TRIOBP: variants seen among roughly 807,000 people sequenced by gnomAD.
TRIOBP encodes the protein TRIO and F-actin-binding protein.
In TRIOBP, 169 loss-of-function variants were observed where a neutral mutation model predicts 238.8. That is an observed-to-expected ratio of 0.71 (90% confidence interval 0.62 to 0.80). The LOEUF (loss-of-function observed/expected upper bound fraction) is 0.80. Among genes scored for constraint, TRIOBP ranks in the 30% least tolerant of loss-of-function variants. The pLI is 0.00. For missense variants in TRIOBP, 2,838 were observed against 3,122.6 expected (o/e 0.91, Z 2.17); for synonymous variants, 1,150 against 1,274.4 (o/e 0.90, Z 2.08).
chr22:37,713,203 C>G lies in TRIOBP; in HGVS notation c.255-7C>G, dbSNP rs375754005. On this transcript the variant is annotated splice_region_variant and splice_polypyrimidine_tract_variant and intron_variant, in intron 4 of 23. Coordinates refer to ENST00000644935, the MANE Select transcript of TRIOBP (RefSeq NM_001039141.3). ...CCATTACTTTTTGGGTCTGTCTCCT[C>G]TCCCAGGGGCCCATCCCCCTCAGCA... The G allele has an allele frequency of 1.9e-6, 3 of 1,612,280 alleles. No homozygotes were observed.
At chr22:37,704,656 C>T (rs61381376) in intron 3 of TRIOBP, among the ~76,000 whole-genome samples, 1 of 149,094 alleles carries the variant, frequency 6.7e-6, no homozygotes, top group Non-Finnish European at 1.5e-5. Flanking sequence ...GGGAAAGTTT[C>T]TCCAAAAAAA....
At position 37,725,288 on chromosome 22, in the gene TRIOBP, T is replaced by G; in HGVS notation, c.2732T>G (p.Leu911Arg). ...GACATCCCCTGGGCCTCGTTTCCCC[T>G]CCGGCCAACTCAGAGTGATGGTCCC... is the stretch of plus-strand genomic sequence containing the variant. ...NKDIPWASFP[L>R]RPTQSDGPRT... Residue 911 changes from leucine to arginine, a missense_variant, in exon 7 of 24, where the codon CTC (leucine) becomes CGC (arginine). Leu to Arg is a moderately radical substitution (Grantham distance 102). Coordinates refer to ENST00000644935, the MANE Select transcript of TRIOBP (RefSeq NM_001039141.3). 2 of 1,613,804 alleles carry G rather than the reference T, an allele frequency of 1.2e-6. No homozygotes were observed. Among genetic ancestry groups the G allele is most frequent in the Non-Finnish European group, 1.7e-6 (2 of 1,179,986 alleles).
chr22:37,735,607 G>A (rs1320653540), intron 9 of TRIOBP, among the ~76,000 whole-genome samples, 165 bp downstream of exon 9: 2 of 152,214 alleles, frequency 1.3e-5, no homozygotes, highest in African/African-American at 4.8e-5. Flanking sequence ...CACCAAACTG[G>A]CCCAACAATG....
Position 37,776,042 on chromosome 22 carries a change from A to G in TRIOBP, c.*2262A>G, listed in dbSNP as rs960701480. Reference sequence around the variant, plus strand: ...TCCTCACCATCCCACCGTCCCCCCAAGACAGCTCTCCATCCCATCCTCTGC... The same window carrying G: ...TCCTCACCATCCCACCGTCCCCCCAGGACAGCTCTCCATCCCATCCTCTGC... On this transcript the variant is annotated 3_prime_UTR_variant, in exon 24 of 24. Coordinates refer to ENST00000644935, the MANE Select transcript of TRIOBP (RefSeq NM_001039141.3). 2 of 152,302 alleles carry G rather than the reference A, an allele frequency of 1.3e-5. No homozygotes were observed. The highest frequency in any genetic ancestry group is 2.4e-5 in the African/African-American group (1 of 41,414). 9.4% of individuals were successfully genotyped at this position (152,302 alleles called of 1,614,324 possible). A position where few individuals can be genotyped will look rare whatever the true frequency, so the allele number is the denominator to read the frequency against.
At position 37,734,721 on chromosome 22, in the gene TRIOBP, G is replaced by A. The variant is rs759285585; in HGVS notation, c.4385G>A (p.Cys1462Tyr). ...CTGGGCCCTGGGGGCTGGTGGGGAT[G>A]TGGAGAGCCCAGCCTGGGGGCAGCC... ...GGLGPGGWWG[C>Y]GEPSLGAAKA... The change falls in exon 9 of 24, where the codon TGT becomes TAT. Residue 1462 changes from cysteine to tyrosine, a missense_variant. Transcript: ENST00000644935. 1.3e-4 allele frequency: 217 copies of A among 1,609,370 alleles called. No homozygotes were observed. The highest frequency in any genetic ancestry group is 1.8e-4 in the Non-Finnish European group (214 of 1,178,436).
rs1922452836 is a variant in TRIOBP, at chr22:37,698,209, AAAAAAAAAAG to A, written c.-61+517_-61+526del. Among the ~76,000 whole-genome samples the A allele has an allele frequency of 3.1e-5, 4 of 130,786 alleles. No individual in the cohort carries two copies. In the South Asian group the frequency reaches 1.1e-3, roughly 37 times the overall value. 85.8% of individuals were successfully genotyped at this position (130,786 alleles called of 152,430 possible). ...ACCGAGATTCTGTCTCAAAAAAAAA[AAAAAAAAAAG>A]AAAGAAAGACACCAGGGTTTCAGAA... is the stretch of plus-strand genomic sequence containing the variant. On this transcript the variant is annotated intron_variant, in intron 2 of 23. Coordinates refer to ENST00000644935, the MANE Select transcript of TRIOBP (RefSeq NM_001039141.3).
chr22:37,701,922 G>T (rs1486891714), intron 3 of TRIOBP, among the ~76,000 whole-genome samples: 1 of 152,142 alleles, frequency 6.6e-6, no homozygotes, highest in African/African-American at 2.4e-5. Flanking sequence ...GAGGTCGGGA[G>T]TTTGAAACCA....
intron 6 of TRIOBP, among the ~76,000 whole-genome samples, chr22:37,718,281 G>T (rs2413478): frequency 1.3e-5 from 2 of 152,126 alleles, no homozygotes; most frequent in Non-Finnish European, 2.9e-5. Flanking sequence ...CCCAGGAAGG[G>T]GCTCCCACAG....
chr22:37,747,935 G>C (rs908649458), intron 11 of TRIOBP, among the ~76,000 whole-genome samples: 4 of 152,166 alleles, frequency 2.6e-5, no homozygotes, highest in African/African-American at 9.7e-5. Context: ...CGGAAGCAGC[G>C]TGTGGGGTGC....
intron 17 of TRIOBP, chr22:37,759,750 A>T: frequency 1.4e-6 from 2 of 1,426,412 alleles, no homozygotes; most frequent in Non-Finnish European, 9.2e-7. Context: ...CGCCTAGGAC[A>T]GCGGTTCTCA....
intron 6 of TRIOBP, among the ~76,000 whole-genome samples, chr22:37,722,354 G>T (rs138835397): frequency 6.6e-6 from 1 of 151,440 alleles, no homozygotes; most frequent in African/African-American, 2.4e-5. Context: ...TTTGAACCCA[G>T]GAGGCTTAGG....
rs536452003 is a variant in TRIOBP at position 37,774,980 on chromosome 22, A to T, written c.*1200A>T. Reference sequence around the variant, plus strand: ...CCAGTCCTCTCCTGAGGCTTTTCCCAGAGGTCATGCCCAGCCCTGGGCAGG... The same window carrying T: ...CCAGTCCTCTCCTGAGGCTTTTCCCTGAGGTCATGCCCAGCCCTGGGCAGG... On this transcript the variant is annotated 3_prime_UTR_variant, in exon 24 of 24. Coordinates refer to ENST00000644935, the MANE Select transcript of TRIOBP (RefSeq NM_001039141.3). 3.9e-5 allele frequency: 6 copies of T among 152,272 alleles called. No homozygotes were observed. In the East Asian group the frequency reaches 1.2e-3, roughly 29 times the overall value. The allele number at this position is 152,272 out of a possible 1,614,324, so 9.4% of individuals were successfully genotyped here. A position where few individuals can be genotyped will look rare whatever the true frequency, so the allele number is the denominator to read the frequency against.
At position 37,771,980 on chromosome 22, in the gene TRIOBP, G is replaced by T. The variant is rs556362776; in HGVS notation, c.6936+244G>T. ...TTTATTTAGCATTATTTAATTTATTGATTATTATTGAGCACCTACTATATC... is the reference window on the plus strand; with the variant it reads ...TTTATTTAGCATTATTTAATTTATTTATTATTATTGAGCACCTACTATATC... On this transcript the variant is annotated intron_variant, in intron 22 of 23. Transcript: ENST00000644935. 1.3e-3 allele frequency: 792 copies of T among 598,398 alleles called. 2 individuals are homozygous for T. Among genetic ancestry groups the T allele is most frequent in the Non-Finnish European group, 1.9e-3 (614 of 324,784 alleles). 37.1% of individuals were successfully genotyped at this position (598,398 alleles called of 1,614,324 possible).
intron 4 of TRIOBP, among the ~76,000 whole-genome samples, chr22:37,712,752 C>G (rs959046025): frequency 6.6e-6 from 1 of 151,452 alleles, no homozygotes; most frequent in Non-Finnish European, 1.5e-5. Context: ...GTCAGGAGAT[C>G]GAGACCATCC....
At chr22:37,754,845 A>G (rs752405405) in intron 12 of TRIOBP, 32 bp from the exon 13 acceptor site, 101 of 1,607,428 alleles carry the variant, frequency 6.3e-5, no homozygotes, top group Non-Finnish European at 8.5e-5. Context: ...ACAATCACAC[A>G]CACTGGCTCT....
rs1235846217 is a variant in TRIOBP, at chr22:37,772,590, C to T, written c.6937-11C>T. On this transcript the variant is annotated splice_polypyrimidine_tract_variant and intron_variant, in intron 22 of 23. Transcript: ENST00000644935. ...GACTTCATGCCCTCATACCTGCCTC[C>T]TGCCCCCCAGGACAAGCGCTTCACC... 1 of 1,614,056 alleles carries T rather than the reference C, an allele frequency of 6.2e-7. No homozygotes were observed. The highest frequency in any genetic ancestry group is 1.7e-5 in the Admixed American group (1 of 60,026).
intron 7 of TRIOBP, among the ~76,000 whole-genome samples, chr22:37,728,823 A>T (rs1924296476): frequency 6.6e-6 from 1 of 152,202 alleles, no homozygotes; most frequent in Non-Finnish European, 1.5e-5. Flanking sequence ...ACTCTTGGTG[A>T]TGTACAGCCT....
intron 6 of TRIOBP, among the ~76,000 whole-genome samples, chr22:37,720,641 T>A (rs943183393): frequency 3.9e-5 from 6 of 152,060 alleles, no homozygotes; most frequent in Non-Finnish European, 8.8e-5. Flanking sequence ...GAGTAGGAAG[T>A]GGGTGTAGAT....
At chr22:37,765,648 C>CA (rs1926450194) in intron 17 of TRIOBP, 22 bp from the exon 18 acceptor site, 2 of 1,548,828 alleles carry the variant, frequency 1.3e-6, no homozygotes, top group Non-Finnish European at 1.7e-6. Flanking sequence ...CAGCCTGTGA[C>CA]ACCCTGGCGT....
Sources: allele counts gnomAD v4.1 joint callset (sites outside exome capture counted in the v4.1 genomes callset), GRCh38; gene constraint gnomAD v4.1.1; transcripts MANE v1.5; gene names NCBI Gene and HGNC (gene_info 2026-07-23, HGNC 2026-07-21).